ARHGAP15: variants seen among roughly 807,000 people sequenced by gnomAD.
The protein encoded by ARHGAP15 is Rho GTPase activating protein 15.
Under a neutral mutation model 63.7 loss-of-function variants are expected in ARHGAP15, and 51 were observed. The observed-to-expected ratio is 0.80, with a 90% confidence interval of 0.64 to 1.01. ARHGAP15 has a LOEUF of 1.01. Ranked by LOEUF, ARHGAP15 falls within the 50% of genes least tolerant of loss-of-function variation. ARHGAP15 has a pLI of 0.00. For missense variants in ARHGAP15, 560 were observed against 564.6 expected, an observed-to-expected ratio of 0.99 and a Z score of 0.08; for synonymous variants, 191 against 193.8, an observed-to-expected ratio of 0.99 and a Z score of 0.12.
At chr2:143,679,601 C>A (rs1682996014) in intron 12 of ARHGAP15, among the ~76,000 whole-genome samples, 1 of 152,012 alleles carries the variant, frequency 6.6e-6, no homozygotes, top group African/African-American at 2.4e-5. Context: ...TCCTCCAACT[C>A]TGTCCTTTTT....
intron 6 of ARHGAP15, among the ~76,000 whole-genome samples, chr2:143,380,381 C>T (rs1687010980): frequency 6.6e-6 from 1 of 152,120 alleles, no homozygotes; most frequent in African/African-American, 2.4e-5. Context: ...CTCACGTCAA[C>T]CATATGGTAT....
At chr2:143,367,430 C>T (rs1558923923) in intron 6 of ARHGAP15, among the ~76,000 whole-genome samples, 1 of 151,900 alleles carries the variant, frequency 6.6e-6, no homozygotes, top group African/African-American at 2.4e-5. Context: ...CCTCCCCATC[C>T]TGTTTTGAGT....
chr2:143,269,349 GA>G (rs1681155027), intron 6 of ARHGAP15, among the ~76,000 whole-genome samples: 1 of 152,154 alleles, frequency 6.6e-6, no homozygotes, highest in Non-Finnish European at 1.5e-5. Flanking sequence ...TAAAAGAAAT[GA>G]GTCTTACGGA....
chr2:143,503,053 T>C (rs1693142466), intron 9 of ARHGAP15, among the ~76,000 whole-genome samples: 1 of 152,196 alleles, frequency 6.6e-6, no homozygotes, highest in Non-Finnish European at 1.5e-5. Flanking sequence ...CTAGTAGTGG[T>C]CTAGGAAGAC....
At chr2:143,155,413 C>A in intron 1 of ARHGAP15, 64 bp from the exon 2 acceptor site, 2 of 1,384,008 alleles carry the variant, frequency 1.4e-6, no homozygotes, top group Non-Finnish European at 1.9e-6. Context: ...AGGGACACTC[C>A]ATCAAGAGTT....
At chr2:143,731,875 A>G (rs772792865) in intron 13 of ARHGAP15, among the ~76,000 whole-genome samples, 1 of 152,224 alleles carries the variant, frequency 6.6e-6, no homozygotes, top group Non-Finnish European at 1.5e-5. Context: ...TCCTCAATTT[A>G]TGGAAGCAAA....
chr2:143,540,427 G>A (rs901295812), intron 10 of ARHGAP15, among the ~76,000 whole-genome samples: 3 of 152,046 alleles, frequency 2.0e-5, no homozygotes, highest in African/African-American at 7.2e-5. Flanking sequence ...CATTATGTTA[G>A]CTGGTTATTT....
chr2:143,553,401 G>A (rs1397131615), intron 10 of ARHGAP15, among the ~76,000 whole-genome samples: 1 of 152,126 alleles, frequency 6.6e-6, no homozygotes, highest in African/African-American at 2.4e-5. Context: ...AATCTAAAGG[G>A]CTTGGAAGTT....
intron 12 of ARHGAP15, among the ~76,000 whole-genome samples, chr2:143,678,560 CA>C (rs1310848951): frequency 6.6e-6 from 1 of 152,110 alleles, no homozygotes; most frequent in Non-Finnish European, 1.5e-5. Context: ...CATCTCTGCC[CA>C]AAACTACATA....
intron 1 of ARHGAP15, among the ~76,000 whole-genome samples, chr2:143,139,756 C>A (rs2104987292): frequency 6.6e-6 from 1 of 152,160 alleles, no homozygotes; most frequent in South Asian, 2.1e-4. Flanking sequence ...TACTTTTTCT[C>A]AAATTTTAGT....
At chr2:143,206,664 T>C (rs761737713) in intron 3 of ARHGAP15, among the ~76,000 whole-genome samples, 1 of 152,134 alleles carries the variant, frequency 6.6e-6, no homozygotes. Flanking sequence ...GGGAGGACTA[T>C]GTCTTATTTA....
chr2:143,533,161 G>A (rs1303722155), intron 10 of ARHGAP15: 2 of 152,172 alleles, frequency 1.3e-5, no homozygotes, highest in Non-Finnish European at 2.9e-5. Context: ...AGGATGATGA[G>A]CAGGGGGAAT....
chr2:143,214,615 A>G (rs1205933347), intron 3 of ARHGAP15, among the ~76,000 whole-genome samples: 1 of 152,222 alleles, frequency 6.6e-6, no homozygotes, highest in Non-Finnish European at 1.5e-5. Context: ...TAGATGCTGT[A>G]GAGTTGTGGA....
At chr2:143,330,127 A>C (rs796770528) in intron 6 of ARHGAP15, among the ~76,000 whole-genome samples, 4 of 81,298 alleles carry the variant, frequency 4.9e-5, no homozygotes, top group Admixed American at 1.8e-4. Flanking sequence ...AAAAAAAAAA[A>C]AAAACCAAAA....
intron 3 of ARHGAP15, among the ~76,000 whole-genome samples, chr2:143,204,595 A>T (rs1349849349): frequency 6.6e-6 from 1 of 152,096 alleles, no homozygotes; most frequent in East Asian, 1.9e-4. Flanking sequence ...ATGAGTTTTA[A>T]GGGGAAACAA....
At chr2:143,188,781 C>A (rs551496633) in intron 2 of ARHGAP15, among the ~76,000 whole-genome samples, 1 of 151,712 alleles carries the variant, frequency 6.6e-6, no homozygotes, top group Non-Finnish European at 1.5e-5. Flanking sequence ...CCACCATGCC[C>A]GGCTAATTAT....
rs538751179 is a variant in ARHGAP15, at chr2:143,260,714, T to G, written c.474+10114T>G. 4.4e-3 allele frequency among the ~76,000 whole-genome samples: 669 copies of G among 152,316 alleles called. 4 individuals are homozygous for G. Among genetic ancestry groups the G allele is most frequent in the Middle Eastern group, 0.01 (3 of 294 alleles). ...AAATTTGTGGGTAAGATTTTCAATC[T>G]GTGAATACATACTTGATATTCCCTT... On this transcript the variant is annotated intron_variant, in intron 6 of 13. Coordinates refer to ENST00000295095, the MANE Select transcript of ARHGAP15 (RefSeq NM_018460.4).
intron 6 of ARHGAP15, among the ~76,000 whole-genome samples, chr2:143,313,152 G>A (rs578139616): frequency 1.3e-5 from 2 of 152,200 alleles, no homozygotes; most frequent in African/African-American, 2.4e-5. Flanking sequence ...CTGACAAGAT[G>A]AGAGAGAAAA....
chr2:143,375,415 G>A (rs1221542983), intron 6 of ARHGAP15, among the ~76,000 whole-genome samples: 1 of 152,152 alleles, frequency 6.6e-6, no homozygotes, highest in East Asian at 1.9e-4. Flanking sequence ...GATTGGTGAT[G>A]AAAATTCAGA....
Sources: allele counts gnomAD v4.1 joint callset (sites outside exome capture counted in the v4.1 genomes callset), GRCh38; gene constraint gnomAD v4.1.1; transcripts MANE v1.5; gene names NCBI Gene and HGNC (gene_info 2026-07-23, HGNC 2026-07-21).